Variants in VWC2L observed in about 807,000 individuals in gnomAD.
VWC2L encodes the protein von Willebrand factor C domain containing 2 like.
A neutral mutation model predicts 21.6 loss-of-function variants in VWC2L; 10 were observed. The ratio of observed to expected loss-of-function variants is 0.46; its 90% CI spans 0.29 to 0.78. VWC2L has a LOEUF of 0.78. Ranked by LOEUF, VWC2L falls within the 30% of genes least tolerant of loss-of-function variation. The pLI is 0.10. For missense variants in VWC2L, 209 were observed against 277.1 expected (o/e 0.75, Z 1.74); for synonymous variants, 96 against 94.3 (o/e 1.02, Z -0.10).
intron 3 of VWC2L, among the ~76,000 whole-genome samples, chr2:214,475,332 T>C (rs894678709): frequency 5.9e-5 from 9 of 152,108 alleles, no homozygotes; most frequent in African/African-American, 2.2e-4. Flanking sequence ...TGGATGCATT[T>C]GTTAGCAAAT....
intron 3 of VWC2L, among the ~76,000 whole-genome samples, chr2:214,480,864 C>CA (rs59720596): frequency 0.42 from 28,846 of 68,302 alleles, 5,269 homozygotes; most frequent in Non-Finnish European, 0.5. Context: ...TATGCCAAGC[C>CA]AAAAAAAAAA....
chr2:214,447,712 A>T (rs577895980), intron 3 of VWC2L, among the ~76,000 whole-genome samples: 1 of 152,170 alleles, frequency 6.6e-6, no homozygotes, highest in Admixed American at 6.6e-5. Flanking sequence ...TTATCCCTCT[A>T]TCTTCCTCAG....
chr2:214,414,765 C>T (rs1012875844), intron 2 of VWC2L, 182 bp downstream of exon 2: 12 of 669,908 alleles, frequency 1.8e-5, no homozygotes, highest in Non-Finnish European at 2.7e-5. Context: ...GTTTGTTGAT[C>T]ATATTTGTTA....
At chr2:214,558,168 T>G (rs534449880) in intron 3 of VWC2L, among the ~76,000 whole-genome samples, 1 of 152,326 alleles carries the variant, frequency 6.6e-6, no homozygotes, top group East Asian at 1.9e-4. Flanking sequence ...TCTGCTATCA[T>G]GTATTGCTAT....
chr2:214,564,979 A>C (rs1319835122), intron 3 of VWC2L, among the ~76,000 whole-genome samples: 1 of 152,124 alleles, frequency 6.6e-6, no homozygotes, highest in Non-Finnish European at 1.5e-5. Context: ...ATCCTATACA[A>C]ATATGCACCA....
chr2:214,417,266 C>T (rs964994489), intron 2 of VWC2L, among the ~76,000 whole-genome samples: 8 of 152,064 alleles, frequency 5.3e-5, no homozygotes, highest in African/African-American at 1.9e-4. Flanking sequence ...ATACTGTAGA[C>T]GTACTTACAA....
chr2:214,475,271 G>A (rs1338931104), intron 3 of VWC2L, among the ~76,000 whole-genome samples: 1 of 152,028 alleles, frequency 6.6e-6, no homozygotes, highest in Non-Finnish European at 1.5e-5. Context: ...ATGCTAGATG[G>A]GCTGGGCAAG....
chr2:214,543,579 T>C (rs1384364050), intron 3 of VWC2L, among the ~76,000 whole-genome samples: 2 of 151,970 alleles, frequency 1.3e-5, no homozygotes, highest in South Asian at 2.1e-4. Context: ...ACAAGCCATG[T>C]GGTATTTGCT....
chr2:214,445,290 T>C (rs903197384), intron 3 of VWC2L, among the ~76,000 whole-genome samples: 2 of 151,910 alleles, frequency 1.3e-5, no homozygotes, highest in African/African-American at 4.8e-5. Context: ...ATGGATATAG[T>C]TGTTATAAAG....
chr2:214,469,974 T>C (rs552315798), intron 3 of VWC2L, among the ~76,000 whole-genome samples: 2 of 152,118 alleles, frequency 1.3e-5, no homozygotes, highest in Non-Finnish European at 2.9e-5. Flanking sequence ...GTCAGCTCCA[T>C]TGGAAAGAGA....
chr2:214,475,593 A>G (rs1688504098), intron 3 of VWC2L, among the ~76,000 whole-genome samples: 2 of 152,178 alleles, frequency 1.3e-5, no homozygotes, highest in African/African-American at 2.4e-5. Flanking sequence ...CAAATGAAAT[A>G]GAAGACATGA....
At chr2:214,421,206 TCTA>T (rs1427734217) in intron 2 of VWC2L, among the ~76,000 whole-genome samples, 1 of 152,156 alleles carries the variant, frequency 6.6e-6, no homozygotes, top group Non-Finnish European at 1.5e-5. Flanking sequence ...TAGGAAAAAA[TCTA>T]CTTTTAAAAT....
intron 3 of VWC2L, among the ~76,000 whole-genome samples, chr2:214,521,562 A>G (rs1046227441): frequency 2.0e-5 from 3 of 152,238 alleles, no homozygotes; most frequent in African/African-American, 4.8e-5. Context: ...CCCAAATAAG[A>G]GGATCCCCTA....
At chr2:214,491,935 T>C (rs1688750530) in intron 3 of VWC2L, among the ~76,000 whole-genome samples, 2 of 152,336 alleles carry the variant, frequency 1.3e-5, no homozygotes, top group South Asian at 4.1e-4. Context: ...GCCTCTCAGT[T>C]ATGGGATAGC....
intron 3 of VWC2L, among the ~76,000 whole-genome samples, chr2:214,488,642 T>A (rs1035005041): frequency 2.6e-5 from 4 of 152,102 alleles, no homozygotes; most frequent in Non-Finnish European, 4.4e-5. Context: ...CATGTCTTCA[T>A]CTGTTCTGGG....
chr2:214,542,259 C>T (rs1689640758), intron 3 of VWC2L, among the ~76,000 whole-genome samples: 2 of 152,174 alleles, frequency 1.3e-5, no homozygotes, highest in Admixed American at 1.3e-4. Flanking sequence ...ACCAAGCTCT[C>T]AGACAGCTTG....
intron 3 of VWC2L, among the ~76,000 whole-genome samples, chr2:214,511,972 G>T (rs1689063463): frequency 6.7e-6 from 1 of 149,584 alleles, no homozygotes; most frequent in Admixed American, 6.7e-5. Context: ...GATCCCCAAA[G>T]AGTCATGAAC....
At chr2:214,435,533 C>CA (rs1240681009) in intron 2 of VWC2L, among the ~76,000 whole-genome samples, 1 of 152,118 alleles carries the variant, frequency 6.6e-6, no homozygotes, top group East Asian at 1.9e-4. Context: ...ACTGATATTA[C>CA]ACAGATTGTC....
At chr2:214,446,276 T>C (rs1045688194) in intron 3 of VWC2L, among the ~76,000 whole-genome samples, 1 of 152,218 alleles carries the variant, frequency 6.6e-6, no homozygotes, top group African/African-American at 2.4e-5. Context: ...TTTCAAAGTC[T>C]GCATCTCTAC....
Sources: gnomAD v4.1 joint callset for allele counts (sites outside exome capture counted in the v4.1 genomes callset) on GRCh38, gnomAD v4.1.1 for gene constraint, MANE v1.5 for transcripts, NCBI Gene and HGNC (gene_info 2026-07-23, HGNC 2026-07-21) for gene names.